The following CADM2 variants were observed in gnomAD, a reference collection of about 807,000 sequenced individuals.
CADM2 encodes the protein cell adhesion molecule 2, also known as immunoglobulin superfamily member 4D.
In CADM2, 12 loss-of-function variants were observed where a neutral mutation model predicts 49.8. The observed-to-expected ratio is 0.24, with a 90% CI of 0.15 to 0.39. CADM2 has a LOEUF of 0.39. CADM2 is among the 10% of genes least tolerant of loss of function. The probability of loss-of-function intolerance (pLI) is 1.00; values close to 1 mark genes in which losing one functional copy is unlikely to be tolerated. For missense variants in CADM2, 378 were observed against 492.3 expected (o/e 0.77, Z 2.20); for synonymous variants, 214 against 175.4 (o/e 1.22, Z -1.74).
At chr3:85,734,658 C>A (rs2068059939) in intron 2 of CADM2, among the ~76,000 whole-genome samples, 1 of 146,036 alleles carries the variant, frequency 6.8e-6, no homozygotes, top group Non-Finnish European at 1.5e-5. Flanking sequence ...TGCCTTTTTT[C>A]TTTTTAAATA....
intron 1 of CADM2, among the ~76,000 whole-genome samples, chr3:84,976,466 A>C (rs1436264698): frequency 6.6e-6 from 1 of 151,818 alleles, no homozygotes; most frequent in Non-Finnish European, 1.5e-5. Flanking sequence ...ATATTTCAAA[A>C]GTATTTTTCC....
rs1471576139 is a variant in CADM2 at position 85,135,895 on chromosome 3, A to G, written c.61+176227A>G. Among the ~76,000 whole-genome samples the G allele has an allele frequency of 3.9e-5, 6 of 152,176 alleles. No individual in the cohort carries two copies. The East Asian group carries it at 1.2e-3, about 29-fold the overall frequency. On this transcript the variant is annotated intron_variant, in intron 1 of 9. Transcript: ENST00000383699. ...TTACTTCTGTTTAAAATTAAGTGCC[A>G]TGATCAAGAATTGTTAACTAATTTT...
chr3:85,446,850 C>T (rs1194939226), intron 1 of CADM2, among the ~76,000 whole-genome samples: 2 of 150,012 alleles, frequency 1.3e-5, no homozygotes, highest in Non-Finnish European at 3.0e-5. Context: ...GATCCTCCCA[C>T]CCTGGCCTCC....
chr3:85,241,664 T>A (rs1333372648), intron 1 of CADM2, among the ~76,000 whole-genome samples: 1 of 151,634 alleles, frequency 6.6e-6, no homozygotes, highest in Non-Finnish European at 1.5e-5. Flanking sequence ...ATACATTTAT[T>A]CTTTGGTAGA....
chr3:85,775,739 G>A (rs2070329606), intron 2 of CADM2, among the ~76,000 whole-genome samples: 1 of 151,708 alleles, frequency 6.6e-6, no homozygotes, highest in South Asian at 2.1e-4. Flanking sequence ...TATACAATCT[G>A]ATACAATAAA....
At position 85,750,733 on chromosome 3, in the gene CADM2, G is replaced by A. The variant is rs556734426; in HGVS notation, c.88+24185G>A. Among the ~76,000 whole-genome samples, 111 of 152,008 alleles carry A rather than the reference G, an allele frequency of 7.3e-4. 4 individuals carry two copies. In the South Asian group the frequency reaches 0.022, roughly 30 times the overall value. On this transcript the variant is annotated intron_variant, in intron 2 of 9. Transcript: ENST00000383699. ...ATCTTGGATGTCTGATGTTGCTCTG[G>A]CACTAAGATAAAAAGAATTAGAGCA...
At chr3:85,028,170 G>A (rs1481377540) in intron 1 of CADM2, among the ~76,000 whole-genome samples, 1 of 152,076 alleles carries the variant, frequency 6.6e-6, no homozygotes, top group African/African-American at 2.4e-5. Flanking sequence ...TTACAGATGA[G>A]GAACCCTAAT....
chr3:85,000,718 A>T lies in CADM2; in HGVS notation c.61+41050A>T, dbSNP rs531427478. On this transcript the variant is annotated intron_variant, in intron 1 of 9. Transcript: ENST00000383699. Reference sequence around the variant, plus strand: ...TTTTTAATGTAGTTGCTTTTTTCAAATACTTTTTTGAAACACACATACATT... The same window carrying T: ...TTTTTAATGTAGTTGCTTTTTTCAATTACTTTTTTGAAACACACATACATT... Among the ~76,000 whole-genome samples, 62 of 152,020 alleles carry T rather than the reference A, an allele frequency of 4.1e-4. No homozygotes were observed. The East Asian group carries it at 0.01, about 26-fold the overall frequency.
At position 85,886,298 on chromosome 3, in the gene CADM2, G is replaced by A. The variant is rs772488566; in HGVS notation, c.500G>A (p.Arg167Lys). 1 of 1,613,648 alleles carries A rather than the reference G, an allele frequency of 6.2e-7. No individual in the cohort carries two copies. The highest frequency in any genetic ancestry group is 8.5e-7 in the Non-Finnish European group (1 of 1,179,698). Residue 167 changes from arginine to lysine, a missense_variant, in exon 5 of 10, where the codon AGA becomes AAA. Transcript: ENST00000383699. The stretch of plus-strand genomic sequence containing the variant: ...GGTAGTAAACCTGCAGCTGATATAA[G>A]ATGGTTCAAAAATGACAAAGAGATT... ...TSGSKPAADI[R>K]WFKNDKEIKD...
At chr3:85,928,348 G>A (rs1232186666) in intron 6 of CADM2, among the ~76,000 whole-genome samples, 1 of 151,800 alleles carries the variant, frequency 6.6e-6, no homozygotes, top group Non-Finnish European at 1.5e-5. Context: ...TAGTAGAGAC[G>A]GCGTTTCACC....
intron 1 of CADM2, among the ~76,000 whole-genome samples, chr3:85,465,018 A>G (rs1376266210): frequency 4.6e-5 from 7 of 152,234 alleles, no homozygotes; most frequent in Non-Finnish European, 8.8e-5. Flanking sequence ...GCGTGGTGGC[A>G]CACGCCTATA....
At chr3:84,996,278 T>C (rs1390943704) in intron 1 of CADM2, among the ~76,000 whole-genome samples, 1 of 152,142 alleles carries the variant, frequency 6.6e-6, no homozygotes, top group Non-Finnish European at 1.5e-5. Flanking sequence ...GTTATTAATA[T>C]TAAGTTAAAT....
intron 1 of CADM2, among the ~76,000 whole-genome samples, chr3:85,190,191 C>T (rs948544123): frequency 6.6e-6 from 1 of 151,996 alleles, no homozygotes; most frequent in Admixed American, 6.6e-5. Flanking sequence ...TTGGAATCCT[C>T]AGAGTCTAGA....
chr3:85,395,106 G>C (rs1471765461), intron 1 of CADM2, among the ~76,000 whole-genome samples: 1 of 150,884 alleles, frequency 6.6e-6, no homozygotes, highest in East Asian at 1.9e-4. Context: ...GATACATAGG[G>C]AGACCCCATC....
intron 3 of CADM2, among the ~76,000 whole-genome samples, chr3:85,828,431 A>C (rs2074026204): frequency 1.3e-5 from 2 of 151,996 alleles, no homozygotes; most frequent in Admixed American, 6.6e-5. Flanking sequence ...AAGAGAAAAA[A>C]GACTTCTAGG....
chr3:85,432,616 G>A (rs1029351461), intron 1 of CADM2, among the ~76,000 whole-genome samples: 2 of 152,044 alleles, frequency 1.3e-5, no homozygotes, highest in African/African-American at 2.4e-5. Flanking sequence ...GAAATGTAGT[G>A]TACATAAAAC....
chr3:85,491,112 A>G (rs982996501), intron 1 of CADM2, among the ~76,000 whole-genome samples: 70 of 152,188 alleles, frequency 4.6e-4, no homozygotes, highest in Non-Finnish European at 1.9e-4. Flanking sequence ...CATCAAATAA[A>G]CTGAAGCTTC....
At chr3:85,371,649 G>T (rs1221006007) in intron 1 of CADM2, among the ~76,000 whole-genome samples, 1 of 110,246 alleles carries the variant, frequency 9.1e-6, no homozygotes, top group Non-Finnish European at 1.9e-5. Context: ...GTGTGCATGG[G>T]GATATATATA....
intron 3 of CADM2, among the ~76,000 whole-genome samples, chr3:85,818,613 A>G (rs1305893260): frequency 6.6e-6 from 1 of 152,168 alleles, no homozygotes; most frequent in East Asian, 1.9e-4. Flanking sequence ...TTATCTATAA[A>G]TAATTTTGCT....
Sources: allele counts gnomAD v4.1 joint callset (sites outside exome capture counted in the v4.1 genomes callset), GRCh38; gene constraint gnomAD v4.1.1; transcripts MANE v1.5; gene names NCBI Gene and HGNC (gene_info 2026-07-23, HGNC 2026-07-21).